The following DMD variants were observed in gnomAD, a reference collection of about 807,000 sequenced individuals.
DMD encodes the protein mutant dystrophin.
A neutral mutation model predicts 330.1 loss-of-function variants in DMD; 63 were observed. That is an observed-to-expected ratio of 0.19 (90% CI 0.16 to 0.24). The LOEUF is 0.24. DMD is among the 10% of genes least tolerant of loss of function. The pLI is 1.00. For missense variants in DMD, 3,344 were observed against 2,684.1 expected, an observed-to-expected ratio of 1.25 and a Z score of -5.43; for synonymous variants, 1,223 against 959.8, an observed-to-expected ratio of 1.27 and a Z score of -5.07.
rs773979660 is a variant in DMD at position 31,833,577 on chromosome X, G to A, written c.7200+3141C>T. Among the ~76,000 whole-genome samples the A allele has an allele frequency of 1.1e-3, 127 of 111,352 alleles. 1 individual carries two copies. Among genetic ancestry groups the A allele is most frequent in the African/African-American group, 3.9e-3 (121 of 30,677 alleles). ...AAAATAAAGAAGTTGGTTAGTCAGA[G>A]ATTTTAAAAAAGAAACCAGAAATAT... On this transcript the variant is annotated intron_variant, in intron 49 of 78. Coordinates refer to ENST00000357033, the MANE Select transcript of DMD (RefSeq NM_004006.3).
At chrX:32,720,858 T>C (rs1462864148) in intron 7 of DMD, among the ~76,000 whole-genome samples, 2 of 111,872 alleles carry the variant, frequency 1.8e-5, no homozygotes, top group African/African-American at 6.5e-5. Flanking sequence ...AGTTTCCATG[T>C]ACACATTGAC....
intron 2 of DMD, among the ~76,000 whole-genome samples, chrX:32,926,105 A>G (rs1383213600): frequency 8.9e-6 from 1 of 112,574 alleles, no homozygotes; most frequent in Non-Finnish European, 1.9e-5. Context: ...CACACAATGG[A>G]ATATAATTCA....
At chrX:32,842,465 G>GT (rs769107998) in intron 4 of DMD, among the ~76,000 whole-genome samples, 1 of 111,920 alleles carries the variant, frequency 8.9e-6, no homozygotes, top group East Asian at 2.8e-4. Flanking sequence ...ATGAGATGTG[G>GT]TATGTGTGCT....
At chrX:32,445,069 G>C (rs1015150012) in intron 27 of DMD, among the ~76,000 whole-genome samples, 5 of 111,679 alleles carry the variant, frequency 4.5e-5, no homozygotes, top group Non-Finnish European at 9.5e-5. Flanking sequence ...TGGTTAAAAA[G>C]ACATAATATT....
chrX:32,844,548 C>T (rs764570221), intron 4 of DMD, among the ~76,000 whole-genome samples: 1 of 112,002 alleles, frequency 8.9e-6, no homozygotes, highest in African/African-American at 3.2e-5. Context: ...AGGGAGCAGC[C>T]TATCAGGTCA....
chrX:32,851,356 T>C (rs1270281614), intron 2 of DMD, among the ~76,000 whole-genome samples: 1 of 112,008 alleles, frequency 8.9e-6, no homozygotes, highest in East Asian at 2.8e-4. Context: ...AAATTATGAG[T>C]TATTCTTTTG....
chrX:32,980,759 C>G (rs2092688336), intron 2 of DMD, among the ~76,000 whole-genome samples: 1 of 111,615 alleles, frequency 9.0e-6, no homozygotes, highest in African/African-American at 3.3e-5. Flanking sequence ...AATCTATTCC[C>G]CACCTAGGTT....
At chrX:32,321,016 C>A (rs1603630676) in intron 41 of DMD, among the ~76,000 whole-genome samples, 1 of 111,484 alleles carries the variant, frequency 9.0e-6, no homozygotes, top group East Asian at 2.8e-4. Flanking sequence ...GTAGACACAG[C>A]CTAAATCTGT....
At chrX:32,937,545 C>A (rs1232462326) in intron 2 of DMD, among the ~76,000 whole-genome samples, 1 of 104,553 alleles carries the variant, frequency 9.6e-6, no homozygotes, top group Non-Finnish European at 1.9e-5. Flanking sequence ...ACTAAACCCC[C>A]CTGTTTCCAA....
intron 72 of DMD, among the ~76,000 whole-genome samples, chrX:31,172,983 AAAGTT>A (rs960356078): frequency 1.8e-5 from 2 of 111,847 alleles, no homozygotes; most frequent in African/African-American, 6.5e-5. Context: ...TACAACTAAA[AAAGTT>A]AACCAAACTC....
intron 32 of DMD, 25 bp from the exon 33 acceptor site, chrX:32,386,490 A>G (rs780990291): frequency 8.8e-7 from 1 of 1,140,272 alleles, no homozygotes; most frequent in African/African-American, 1.8e-5. Flanking sequence ...AAAACAAAAC[A>G]TGATAATCAG....
chrX:32,545,237 T>G lies in DMD; in HGVS notation c.2090A>C (p.Lys697Thr). 1 of 1,210,432 alleles carries G rather than the reference T, an allele frequency of 8.3e-7. No homozygotes were observed. Among genetic ancestry groups the G allele is most frequent in the Non-Finnish European group, 1.1e-6 (1 of 894,277 alleles). Residue 697 changes from lysine to threonine, a missense_variant, in exon 17 of 79, where the codon AAG (lysine) becomes ACG (threonine). By Grantham distance (78) the Lys-to-Thr change is moderately conservative (BLOSUM62 -1). Coordinates refer to ENST00000357033, the MANE Select transcript of DMD (RefSeq NM_004006.3). ...TGGTGGAAGTTCCTCTTGAGCATGC[T>G]TTACCAGGATCTGTTCCCTTGTGGT... ...TVTTREQILV[K>T]HAQEELPPPP... is the part of the protein sequence containing the mutation.
At chrX:31,386,491 T>A (rs2060452576) in intron 60 of DMD, among the ~76,000 whole-genome samples, 2 of 112,144 alleles carry the variant, frequency 1.8e-5, no homozygotes, top group African/African-American at 6.5e-5. Context: ...CCTTCCCCTT[T>A]GGGTTCTGTA....
chrX:32,692,308 C>T (rs1385470325), intron 9 of DMD, among the ~76,000 whole-genome samples: 1 of 112,007 alleles, frequency 8.9e-6, no homozygotes, highest in Non-Finnish European at 1.9e-5. Flanking sequence ...TAGAGTTGAG[C>T]TAAAACCTAA....
intron 45 of DMD, among the ~76,000 whole-genome samples, chrX:31,959,408 C>T (rs17243013): frequency 0.06 from 6,662 of 111,065 alleles, 184 homozygotes; most frequent in African/African-American, 0.091. Flanking sequence ...AGTGGATAGG[C>T]GGTTTTTGGA....
At chrX:32,323,303 C>A (rs1264289797) in intron 41 of DMD, among the ~76,000 whole-genome samples, 1 of 110,798 alleles carries the variant, frequency 9.0e-6, no homozygotes, top group Non-Finnish European at 1.9e-5. Flanking sequence ...AATGCTGAAA[C>A]CAGTGCCCCA....
chrX:31,229,269 AC>A (rs2046975654), intron 63 of DMD, among the ~76,000 whole-genome samples: 1 of 112,129 alleles, frequency 8.9e-6, no homozygotes. Flanking sequence ...CAGAAAAAAA[AC>A]ATTAAGTCCC....
At chrX:31,907,506 G>A (rs901522567) in intron 47 of DMD, among the ~76,000 whole-genome samples, 6 of 111,913 alleles carry the variant, frequency 5.4e-5, no homozygotes, top group Non-Finnish European at 9.4e-5. Context: ...AAACTGGCTA[G>A]CCATATGTAG....
In DMD at chrX:32,844,769, A is replaced by G. The variant is rs368878080; in HGVS notation, c.264+14T>C. On this transcript the variant is annotated intron_variant, in intron 4 of 78. Transcript: ENST00000357033. Reference sequence around the variant, plus strand: ...GTGTCACAGCATCCAGACCTTGTCCAGGGTACTACTTACATTATTGTTCTG... The same window carrying G: ...GTGTCACAGCATCCAGACCTTGTCCGGGGTACTACTTACATTATTGTTCTG... 1 of 1,200,700 alleles carries G rather than the reference A, an allele frequency of 8.3e-7. No homozygotes were observed. The highest frequency in any genetic ancestry group is 1.1e-6 in the Non-Finnish European group (1 of 885,305).
Sources: allele counts gnomAD v4.1 joint callset (sites outside exome capture counted in the v4.1 genomes callset), GRCh38; gene constraint gnomAD v4.1.1; transcripts MANE v1.5; gene names NCBI Gene and HGNC (gene_info 2026-07-23, HGNC 2026-07-21).